The following TENM1 variants were observed in gnomAD, a reference collection of about 807,000 sequenced individuals.
TENM1 encodes teneurin transmembrane protein 1, also known as teneurin-1.
A neutral mutation model predicts 174.8 loss-of-function variants in TENM1; 35 were observed. The observed-to-expected ratio is 0.20, with a 90% confidence interval of 0.15 to 0.27. The LOEUF (loss-of-function observed/expected upper bound fraction) is 0.27. Ranked by LOEUF, TENM1 falls within the 10% of genes least tolerant of loss-of-function variation. The pLI is 1.00. For missense variants in TENM1, 1,633 were observed against 2,130.1 expected (o/e 0.77, Z 4.59); for synonymous variants, 781 against 798.7 (o/e 0.98, Z 0.37).
intron 7 of TENM1, 45 bp from the exon 11 acceptor site, chrX:124,652,169 T>C: frequency 2.5e-6 from 3 of 1,178,476 alleles, no homozygotes; most frequent in Non-Finnish European, 3.4e-6. Context: ...CTTTTTCTTC[T>C]AGACTGATAA....
intron 3 of TENM1, among the ~76,000 whole-genome samples, chrX:124,788,588 A>T (rs973459413): frequency 8.9e-6 from 1 of 112,576 alleles, no homozygotes; most frequent in Non-Finnish European, 1.9e-5. Context: ...CAAATGGGAG[A>T]AACTGGCCAA....
At chrX:124,796,150 A>G (rs1184432460) in intron 3 of TENM1, among the ~76,000 whole-genome samples, 1 of 111,787 alleles carries the variant, frequency 8.9e-6, no homozygotes, top group African/African-American at 3.2e-5. Flanking sequence ...ATTCAAAAAA[A>G]GAGCCAGCAA....
the TENM1 span, among the ~76,000 whole-genome samples, chrX:125,179,738 C>T: frequency 9.1e-6 from 1 of 110,393 alleles, no homozygotes; most frequent in East Asian, 2.9e-4. Flanking sequence ...TTGGGCCCCA[C>T]CTCAGACCAA....
At chrX:124,549,784 CG>C (rs747686691) in intron 14 of TENM1, among the ~76,000 whole-genome samples, 351 of 111,359 alleles carry the variant, frequency 3.2e-3, no homozygotes, top group Non-Finnish European at 3.7e-3. Context: ...GTCCAGCACA[CG>C]GGCAAAGATG....
chrX:124,519,744 T>C (rs1290597289), intron 18 of TENM1, among the ~76,000 whole-genome samples: 4 of 111,654 alleles, frequency 3.6e-5, no homozygotes, highest in African/African-American at 1.3e-4. Context: ...CAGGGTTCGA[T>C]TGCTTGCCAT....
At position 124,624,648 on chromosome X, in the gene TENM1, T is replaced by C. The variant is rs138045912; in HGVS notation, c.2077+17143A>G. On this transcript the variant is annotated intron_variant, in intron 11 of 31. Transcript: ENST00000422452. ...GTCTACATCCCTGCTGACAGTCCTG[T>C]ATAAGCTTCTTTGGTTAGATCTGGG... Among the ~76,000 whole-genome samples the C allele has an allele frequency of 7.4e-3, 831 of 112,124 alleles. 1 individual carries two copies. Among genetic ancestry groups the C allele is most frequent in the Non-Finnish European group, 0.013 (700 of 53,170 alleles).
chrX:125,066,510 G>C, the TENM1 span, among the ~76,000 whole-genome samples: 1 of 111,565 alleles, frequency 9.0e-6, no homozygotes, highest in African/African-American at 3.3e-5. Context: ...TGAGCTGAGA[G>C]AATACCAAGG....
chrX:124,389,625 C>CCCTT (rs1225580170), intron 28 of TENM1, among the ~76,000 whole-genome samples: 6 of 110,666 alleles, frequency 5.4e-5, no homozygotes, highest in African/African-American at 9.8e-5. Context: ...CTGCCTCCCT[C>CCCTT]CCTTCCTTCC....
intron 18 of TENM1, among the ~76,000 whole-genome samples, chrX:124,517,795 T>C (rs2047747795): frequency 9.4e-6 from 1 of 105,827 alleles, no homozygotes; most frequent in Non-Finnish European, 1.9e-5. Context: ...ACATGTACCC[T>C]ACAACTTAAA....
the TENM1 span, among the ~76,000 whole-genome samples, chrX:125,189,290 C>G: frequency 8.9e-6 from 1 of 111,966 alleles, no homozygotes; most frequent in Non-Finnish European, 1.9e-5. Context: ...CACCCTTTAT[C>G]TCTCTATTCC....
chrX:124,633,890 T>A (rs1314704378), intron 11 of TENM1, among the ~76,000 whole-genome samples: 1 of 111,788 alleles, frequency 8.9e-6, no homozygotes, highest in Non-Finnish European at 1.9e-5. Context: ...TGAATTGTAT[T>A]TCTAGTGCCA....
At chrX:124,578,010 T>C (rs745487745) in intron 11 of TENM1, among the ~76,000 whole-genome samples, 1 of 108,514 alleles carries the variant, frequency 9.2e-6, no homozygotes, top group East Asian at 2.9e-4. Flanking sequence ...ACGGTGGCGT[T>C]AACCTCTCAG....
intron 11 of TENM1, among the ~76,000 whole-genome samples, chrX:124,639,328 C>T (rs1315919262): frequency 8.9e-6 from 1 of 111,827 alleles, no homozygotes; most frequent in Non-Finnish European, 1.9e-5. Flanking sequence ...GTTCGTTCCT[C>T]TCTTGTCCAT....
upstream of TENM1, among the ~76,000 whole-genome samples, chrX:124,967,911 A>G (rs1379298706): frequency 1.8e-5 from 2 of 112,015 alleles, no homozygotes; most frequent in Non-Finnish European, 3.8e-5. Context: ...AGTGGCTGTG[A>G]GAGCTGAACT....
the TENM1 span, among the ~76,000 whole-genome samples, chrX:125,190,762 G>A: frequency 8.2e-5 from 9 of 109,657 alleles, no homozygotes; most frequent in African/African-American, 1.3e-4. Context: ...GTAAATACAC[G>A]GTGTCTGATA....
the TENM1 span, among the ~76,000 whole-genome samples, chrX:125,120,706 T>C: frequency 2.1e-4 from 23 of 111,904 alleles, no homozygotes; most frequent in South Asian, 3.7e-4. Context: ...TTCATAATTA[T>C]TGACATCATC....
At chrX:124,576,713 G>A (rs918000083) in intron 11 of TENM1, among the ~76,000 whole-genome samples, 18 of 112,024 alleles carry the variant, frequency 1.6e-4, no homozygotes, top group African/African-American at 2.6e-4. Context: ...GCTACTTTTC[G>A]TATATAAAGT....
chrX:124,420,451 T>C (rs1045336606), exon 25 of TENM1: 1 of 1,212,169 alleles, frequency 8.2e-7, no homozygotes, highest in Non-Finnish European at 1.1e-6. Context: ...TCAGCCAGTA[T>C]ACTTGTCCGC....
intron 22 of TENM1, among the ~76,000 whole-genome samples, chrX:124,459,877 G>C (rs1266698235): frequency 9.1e-6 from 1 of 110,494 alleles, no homozygotes; most frequent in Non-Finnish European, 1.9e-5. Context: ...AAATTTACAA[G>C]AAAAGAAAAA....
Sources: gnomAD v4.1 joint callset for allele counts (sites outside exome capture counted in the v4.1 genomes callset) on GRCh38, gnomAD v4.1.1 for gene constraint, MANE v1.5 for transcripts, NCBI Gene and HGNC (gene_info 2026-07-23, HGNC 2026-07-21) for gene names.